ATXN10: variants seen among roughly 807,000 people sequenced by gnomAD.
ATXN10 encodes the protein ataxin 10.
A neutral mutation model predicts 52.9 loss-of-function variants in ATXN10; 28 were observed. The observed-to-expected ratio is 0.53, with a 90% CI of 0.39 to 0.73. The LOEUF is 0.73. ATXN10 is among the 30% of genes least tolerant of loss of function. The probability of loss-of-function intolerance (pLI) is 0.00; values close to 1 mark genes in which losing one functional copy is unlikely to be tolerated. For synonymous variants in ATXN10, 226 were observed against 221.5 expected, an observed-to-expected ratio of 1.02 and a Z score of -0.18; for missense variants, 565 against 577.0, an observed-to-expected ratio of 0.98 and a Z score of 0.21.
intron 6 of ATXN10, among the ~76,000 whole-genome samples, chr22:45,726,922 C>T (rs1348558030): frequency 2.6e-5 from 4 of 152,132 alleles, no homozygotes; most frequent in African/African-American, 9.7e-5. Flanking sequence ...GCTAAGCAAT[C>T]CTCCTGCCTT....
intron 9 of ATXN10, among the ~76,000 whole-genome samples, chr22:45,803,486 T>C (rs1282214751): frequency 6.6e-6 from 1 of 152,160 alleles, no homozygotes; most frequent in African/African-American, 2.4e-5. Context: ...CCAAACAAAC[T>C]ATGAGCGTGA....
In ATXN10 at chr22:45,842,323, C is replaced by T. The variant is rs1296753410; in HGVS notation, c.1238-668C>T. Among the ~76,000 whole-genome samples the T allele has an allele frequency of 3.3e-5, 5 of 152,158 alleles. No homozygotes were observed. Among genetic ancestry groups the T allele is most frequent in the Non-Finnish European group, 5.9e-5 (4 of 68,026 alleles). On this transcript the variant is annotated intron_variant, in intron 10 of 11. Coordinates refer to ENST00000252934, the MANE Select transcript of ATXN10 (RefSeq NM_013236.4). This position sits in a 1 kb window ranked among gnomAD's most constrained non-coding sequence, Gnocchi z 4.8. ...AGTCTTCGTAGGTTGTCTCTGGTCT[C>T]CTGCCAAGCGGAACGTGCCAGGTGA...
Position 45,791,903 on chromosome 22 carries a change from T to G in ATXN10, c.1174-15056T>G, listed in dbSNP as rs1199376191. ...TGGGTGGAACTCGCTTGAGAGCTAT[T>G]TGCGTCTTTGTGTTTGTTAGTGAGT... On this transcript the variant is annotated intron_variant, in intron 9 of 11. Coordinates refer to ENST00000252934, the MANE Select transcript of ATXN10 (RefSeq NM_013236.4). Among the ~76,000 whole-genome samples the G allele has an allele frequency of 1.1e-4, 16 of 152,326 alleles. No homozygotes were observed. The East Asian group carries it at 2.9e-3, about 28-fold the overall frequency.
chr22:45,829,901 A>G (rs1457399124), intron 10 of ATXN10, among the ~76,000 whole-genome samples: 1 of 152,226 alleles, frequency 6.6e-6, no homozygotes, highest in African/African-American at 2.4e-5. Context: ...CCCAAGGGAC[A>G]TTGAATAGCC....
intron 9 of ATXN10, among the ~76,000 whole-genome samples, chr22:45,768,617 G>A (rs1417550976): frequency 2.6e-5 from 4 of 152,154 alleles, no homozygotes; most frequent in Admixed American, 1.3e-4. Flanking sequence ...TAAAGAAAAC[G>A]TAGTCACCAA....
At chr22:45,745,712 A>G in intron 9 of ATXN10, among the ~76,000 whole-genome samples, 1 of 152,174 alleles carries the variant, frequency 6.6e-6, no homozygotes, top group East Asian at 1.9e-4. Context: ...CAGCATCTAA[A>G]TTGTACCTGG....
chr22:45,695,494 C>CTT lies in ATXN10; in HGVS notation c.391+2428_391+2429dup, dbSNP rs34688034. Among the ~76,000 whole-genome samples, 158 of 140,906 alleles carry CTT rather than the reference C, an allele frequency of 1.1e-3. 2 individuals carry two copies. Among genetic ancestry groups the CTT allele is most frequent in the East Asian group, 1.9e-3 (9 of 4,786 alleles). The allele number at this position is 140,906 out of a possible 152,430, so 92.4% of individuals were successfully genotyped here. On this transcript the variant is annotated intron_variant, in intron 3 of 11. Coordinates refer to ENST00000252934, the MANE Select transcript of ATXN10 (RefSeq NM_013236.4). The stretch of plus-strand genomic sequence containing the variant: ...TTTGCATATAACATGAGGCATATTT[C>CTT]TTTTTTTTTTTTTGAGATGGAGTCT...
In ATXN10 at chr22:45,753,699, G is replaced by T. The variant is rs138192; in HGVS notation, c.1173+13161G>T. The stretch of plus-strand genomic sequence containing the variant: ...TGGGATTACAGGTGTGAGCCACTGC[G>T]CCCATCTCAGTTTTTATATTAATAT... On this transcript the variant is annotated intron_variant, in intron 9 of 11. Coordinates refer to ENST00000252934, the MANE Select transcript of ATXN10 (RefSeq NM_013236.4). Among the ~76,000 whole-genome samples the T allele has an allele frequency of 1.1e-4, 16 of 151,996 alleles. 1 individual carries two copies. In the East Asian group the frequency reaches 2.3e-3, roughly 22 times the overall value.
intron 9 of ATXN10, among the ~76,000 whole-genome samples, chr22:45,761,015 C>G (rs532623341): frequency 6.6e-6 from 1 of 152,234 alleles, no homozygotes; most frequent in African/African-American, 2.4e-5. Context: ...AAAGAGGAAG[C>G]TTTCTTTCAG....
intron 10 of ATXN10, among the ~76,000 whole-genome samples, chr22:45,811,168 T>C (rs1363113289): frequency 2.0e-5 from 3 of 152,204 alleles, no homozygotes; most frequent in Non-Finnish European, 1.5e-5. Context: ...AAATTTTCCC[T>C]TTATATGTTT....
intron 5 of ATXN10, among the ~76,000 whole-genome samples, chr22:45,707,918 C>T (rs1406740987): frequency 6.6e-6 from 1 of 152,120 alleles, no homozygotes; most frequent in Admixed American, 6.5e-5. Flanking sequence ...AACCCACTTT[C>T]TGCCTTTTTT....
At chr22:45,834,651 T>C (rs1381416721) in intron 10 of ATXN10, among the ~76,000 whole-genome samples, 1 of 152,216 alleles carries the variant, frequency 6.6e-6, no homozygotes, top group Non-Finnish European at 1.5e-5. Flanking sequence ...GCCTCATAAG[T>C]AGATCAAATC....
chr22:45,685,376 A>T (rs1923095781), intron 1 of ATXN10, among the ~76,000 whole-genome samples: 1 of 152,182 alleles, frequency 6.6e-6, no homozygotes, highest in African/African-American at 2.4e-5. Flanking sequence ...TGTAATAGGA[A>T]TGTCTAACGG....
rs982178582 is a variant in ATXN10 at position 45,780,505 on chromosome 22, C to T, written c.1174-26454C>T. 5.3e-5 allele frequency among the ~76,000 whole-genome samples: 8 copies of T among 152,094 alleles called. No homozygotes were observed. Among genetic ancestry groups the T allele is most frequent in the Non-Finnish European group, 1.2e-4 (8 of 68,022 alleles). On this transcript the variant is annotated intron_variant, in intron 9 of 11. Coordinates refer to ENST00000252934, the MANE Select transcript of ATXN10 (RefSeq NM_013236.4). The surrounding 1 kb of genome is among the most constrained non-coding windows in gnomAD (Gnocchi z 4.0). ...AGGCAGACCTAGGTTCAACCCTGGC[C>T]CTGCTGTGGAGTGGATGTGAACCTG...
chr22:45,786,017 A>G lies in ATXN10; in HGVS notation c.1174-20942A>G, dbSNP rs1020080220. ...TTTTTTTCATCTTGTAATCAGAAAT[A>G]TAGCTAGCTTCTTAAAAATCAGCTA... On this transcript the variant is annotated intron_variant, in intron 9 of 11. Transcript: ENST00000252934. This position sits in a 1 kb window ranked among gnomAD's most constrained non-coding sequence, Gnocchi z 4.1. Among the ~76,000 whole-genome samples, 3 of 152,246 alleles carry G rather than the reference A, an allele frequency of 2.0e-5. No individual in the cohort carries two copies. The highest frequency in any genetic ancestry group is 7.2e-5 in the African/African-American group (3 of 41,462).
Position 45,753,377 on chromosome 22 carries a change from C to CTTTTTT in ATXN10, c.1173+12882_1173+12887dup, listed in dbSNP as rs71190680. On this transcript the variant is annotated intron_variant, in intron 9 of 11. Transcript: ENST00000252934. ...AGAGGGTCCACTCACCTCTTACCAG[C>CTTTTTT]TTTTTTTTTTTTTTTTTTTTTTTTT... is the stretch of plus-strand genomic sequence containing the variant. 8.6e-5 allele frequency among the ~76,000 whole-genome samples: 5 copies of CTTTTTT among 57,870 alleles called. 2 individuals carry two copies. Among genetic ancestry groups the CTTTTTT allele is most frequent in the Non-Finnish European group, 1.6e-4 (5 of 31,006 alleles). The allele number at this position is 57,870 out of a possible 152,430, so 38.0% of individuals were successfully genotyped here. A position where few individuals can be genotyped will look rare whatever the true frequency, so the allele number is the denominator to read the frequency against.
chr22:45,725,553 G>C (rs528807493), intron 6 of ATXN10, among the ~76,000 whole-genome samples: 1 of 152,078 alleles, frequency 6.6e-6, no homozygotes, highest in Admixed American at 6.5e-5. Flanking sequence ...ATCAAATCTA[G>C]GAGTCTTTCG....
At position 45,681,016 on chromosome 22, in the gene ATXN10, T is replaced by C. The variant is rs1922899423; in HGVS notation, c.117-8696T>C. 6.6e-6 allele frequency among the ~76,000 whole-genome samples: 1 copy of C among 152,174 alleles called. No homozygotes were observed. The highest frequency in any genetic ancestry group is 1.5e-5 in the Non-Finnish European group (1 of 68,036). ...AGTTCTCCTTGATTGTCATTGCTGC[T>C]TTCAGACCTTTTTCCTCCATAGACC... On this transcript the variant is annotated intron_variant, in intron 1 of 11. Coordinates refer to ENST00000252934, the MANE Select transcript of ATXN10 (RefSeq NM_013236.4). The surrounding 1 kb of genome is among the most constrained non-coding windows in gnomAD (Gnocchi z 4.2).
chr22:45,771,863 A>G (rs552906595), intron 9 of ATXN10, among the ~76,000 whole-genome samples: 1 of 152,302 alleles, frequency 6.6e-6, no homozygotes, highest in Admixed American at 6.5e-5. Flanking sequence ...GGCTCAAGCC[A>G]TCCTCCTGCT....
Sources: allele counts gnomAD v4.1 joint callset (sites outside exome capture counted in the v4.1 genomes callset), GRCh38; gene constraint gnomAD v4.1.1; non-coding constraint Gnocchi (gnomAD v3.1); transcripts MANE v1.5; gene names NCBI Gene and HGNC (gene_info 2026-07-23, HGNC 2026-07-21).